Variants in TCERG1 observed in about 807,000 individuals in gnomAD.
TCERG1 encodes the protein TATA box binding protein (TBP)-associated factor, RNA polymerase II, S, 150kD.
In TCERG1, 37 loss-of-function variants were observed where a neutral mutation model predicts 144.7. That is an observed-to-expected ratio of 0.26 (90% CI 0.20 to 0.34). TCERG1 has a LOEUF of 0.34. Ranked by LOEUF, TCERG1 falls within the 10% of genes least tolerant of loss-of-function variation. The probability of loss-of-function intolerance (pLI) is 1.00; values close to 1 mark genes in which losing one functional copy is unlikely to be tolerated. For missense variants in TCERG1, 1,027 were observed against 1,380.7 expected, an observed-to-expected ratio of 0.74 and a Z score of 4.06; for synonymous variants, 492 against 458.2, an observed-to-expected ratio of 1.07 and a Z score of -0.94.
chr5:146,460,611 G>C (rs17104658), intron 4 of TCERG1, among the ~76,000 whole-genome samples: 3,412 of 152,178 alleles, frequency 0.022, 125 homozygotes, highest in African/African-American at 0.077. Context: ...ACGTATAAGA[G>C]AGAAATTAAT....
chr5:146,467,511 A>T (rs2150360798), intron 5 of TCERG1, among the ~76,000 whole-genome samples: 1 of 152,282 alleles, frequency 6.6e-6, no homozygotes, highest in African/African-American at 2.4e-5. Context: ...ATTGTAATGC[A>T]TCATGATGAG....
At chr5:146,450,942 C>T (rs1308672946) in intron 1 of TCERG1, among the ~76,000 whole-genome samples, 1 of 152,140 alleles carries the variant, frequency 6.6e-6, no homozygotes, top group African/African-American at 2.4e-5. Context: ...CTTTTCTGTT[C>T]CTTACTCATT....
chr5:146,488,638 G>A (rs1053011231), intron 15 of TCERG1, among the ~76,000 whole-genome samples: 2 of 152,122 alleles, frequency 1.3e-5, no homozygotes, highest in Non-Finnish European at 2.9e-5. Context: ...ATTTAAACTA[G>A]TATATCCACT....
intron 4 of TCERG1, among the ~76,000 whole-genome samples, chr5:146,459,554 T>C (rs1487389526): frequency 6.6e-6 from 1 of 152,216 alleles, no homozygotes; most frequent in African/African-American, 2.4e-5. Context: ...TGAAGCTAAA[T>C]TGAGAAAGTG....
rs1348437420 is a variant in TCERG1, at chr5:146,507,860, T to A, written c.2962-13T>A. On this transcript the variant is annotated splice_polypyrimidine_tract_variant and intron_variant, in intron 20 of 22. Transcript: ENST00000679501. This position sits in a 1 kb window ranked among gnomAD's most constrained non-coding sequence, Gnocchi z 4.6. ...GAGTTGTATTTATGTTTTTTATTCA[T>A]GTCTTTTCAAAGATTACCTTAACAT... The A allele has an allele frequency of 6.3e-7, 1 of 1,588,034 alleles. No individual in the cohort carries two copies. The highest frequency in any genetic ancestry group is 8.6e-7 in the Non-Finnish European group (1 of 1,160,538).
At chr5:146,454,954 A>T in intron 1 of TCERG1, 102 bp from the exon 2 acceptor site, 1 of 1,265,252 alleles carries the variant, frequency 7.9e-7, no homozygotes, top group Non-Finnish European at 1.1e-6. Flanking sequence ...AACTCCACTT[A>T]GACTTAAGAA....
intron 5 of TCERG1, among the ~76,000 whole-genome samples, chr5:146,465,884 C>T (rs545596893): frequency 2.9e-4 from 44 of 151,866 alleles, no homozygotes; most frequent in African/African-American, 1.0e-3. Flanking sequence ...CAAAATTAGC[C>T]GGGCGTGGTG....
chr5:146,474,750 C>T (rs1408548513), intron 9 of TCERG1, among the ~76,000 whole-genome samples: 3 of 152,084 alleles, frequency 2.0e-5, no homozygotes, highest in Admixed American at 6.5e-5. Context: ...ATTATGATGC[C>T]CTGAAAGCTC....
rs1768471621 is a variant in TCERG1 at position 146,511,801 on chromosome 5, C to T, written c.*1159C>T. 1 of 151,838 alleles carries T rather than the reference C, an allele frequency of 6.6e-6. No individual in the cohort carries two copies. Among genetic ancestry groups the T allele is most frequent in the Admixed American group, 6.6e-5 (1 of 15,234 alleles). 9.4% of individuals were successfully genotyped at this position (151,838 alleles called of 1,614,324 possible). A position where few individuals can be genotyped will look rare whatever the true frequency, so the allele number is the denominator to read the frequency against. The stretch of plus-strand genomic sequence containing the variant: ...TGTATTAATGTATGATGGTTTGCGC[C>T]TTTTTGGCATTCTTTCAACATGTCG... On this transcript the variant is annotated 3_prime_UTR_variant, in exon 23 of 23. Transcript: ENST00000679501.
intron 17 of TCERG1, among the ~76,000 whole-genome samples, chr5:146,501,948 G>C (rs1646924267): frequency 7.9e-6 from 1 of 126,124 alleles, no homozygotes; most frequent in Non-Finnish European, 1.6e-5. Context: ...AGGCTGGAGT[G>C]CAATGGTGCA....
intron 19 of TCERG1, among the ~76,000 whole-genome samples, chr5:146,504,834 G>T (rs1301828670): frequency 6.6e-6 from 1 of 152,092 alleles, no homozygotes; most frequent in Non-Finnish European, 1.5e-5. Flanking sequence ...ATCACTTGGG[G>T]TCAGGAGTTC....
At chr5:146,471,824 C>A (rs927874900) in intron 9 of TCERG1, among the ~76,000 whole-genome samples, 3 of 152,112 alleles carry the variant, frequency 2.0e-5, no homozygotes, top group Non-Finnish European at 4.4e-5. Context: ...GTCTTGATCT[C>A]TTGACCTCGT....
At chr5:146,478,383 A>G in intron 9 of TCERG1, 110 bp from the exon 10 acceptor site, 1 of 1,106,618 alleles carries the variant, frequency 9.0e-7, no homozygotes, top group Non-Finnish European at 1.2e-6. Context: ...TAATAAGAAC[A>G]TGTCGTTCTT....
At chr5:146,506,994 C>T (rs1424009042) in intron 19 of TCERG1, 34 bp from the exon 20 acceptor site, 3 of 1,503,832 alleles carry the variant, frequency 2.0e-6, no homozygotes, top group Admixed American at 2.3e-5. Context: ...AGATAAGTCT[C>T]TTTGGTGATA....
At chr5:146,494,724 G>T (rs899530741) in intron 16 of TCERG1, among the ~76,000 whole-genome samples, 2 of 152,006 alleles carry the variant, frequency 1.3e-5, no homozygotes, top group African/African-American at 4.8e-5. Flanking sequence ...TTTTAGTAGA[G>T]CTAGTAAATA....
At chr5:146,481,330 A>G (rs984415339) in intron 13 of TCERG1, 130 bp downstream of exon 13, 1 of 292,440 alleles carries the variant, frequency 3.4e-6, no homozygotes, top group African/African-American at 2.3e-5. Flanking sequence ...TGTTTTTATT[A>G]GTTACTTCTT....
chr5:146,475,449 C>T (rs993001269), intron 9 of TCERG1, among the ~76,000 whole-genome samples: 2 of 152,146 alleles, frequency 1.3e-5, no homozygotes, highest in African/African-American at 2.4e-5. Context: ...TTAGTGGCAT[C>T]TAGCAGATAG....
At chr5:146,500,755 T>C (rs1767347535) in intron 17 of TCERG1, among the ~76,000 whole-genome samples, 1 of 152,140 alleles carries the variant, frequency 6.6e-6, no homozygotes, top group Non-Finnish European at 1.5e-5. Context: ...GAGTGGTGGC[T>C]CATGCCTGTA....
intron 17 of TCERG1, chr5:146,499,963 C>T (rs1444209165): frequency 6.6e-6 from 1 of 151,942 alleles, no homozygotes; most frequent in Non-Finnish European, 1.5e-5. Flanking sequence ...TTTAGCCTCC[C>T]GAGTTCCGGT....
Sources: gnomAD v4.1 joint callset for allele counts (sites outside exome capture counted in the v4.1 genomes callset) on GRCh38, gnomAD v4.1.1 for gene constraint, Gnocchi (gnomAD v3.1) non-coding constraint, MANE v1.5 for transcripts, NCBI Gene and HGNC (gene_info 2026-07-23, HGNC 2026-07-21) for gene names.